The following NCK1 variants were observed in gnomAD, a reference collection of about 807,000 sequenced individuals.
NCK1 encodes NCK adaptor protein 1.
Under a neutral mutation model 36.6 loss-of-function variants are expected in NCK1, and 19 were observed. The observed-to-expected ratio is 0.52, with a 90% confidence interval of 0.36 to 0.76. The LOEUF (loss-of-function observed/expected upper bound fraction) is 0.76, where lower values mean the gene tolerates loss of function less well. Ranked by LOEUF, NCK1 falls within the 30% of genes least tolerant of loss-of-function variation. The pLI is 0.00. For missense variants in NCK1, 358 were observed against 445.6 expected (o/e 0.80, Z 1.77); for synonymous variants, 165 against 156.0 (o/e 1.06, Z -0.43).
At chr3:136,864,636 A>G (rs1185543133) in intron 1 of NCK1, among the ~76,000 whole-genome samples, 1 of 152,236 alleles carries the variant, frequency 6.6e-6, no homozygotes, top group Non-Finnish European at 1.5e-5. Context: ...GGAGTTTGAG[A>G]TCAGCCTAAG....
In NCK1 at chr3:136,946,130, T is replaced by G. The variant is rs1370151823; in HGVS notation, c.774T>G (p.Gly258=). The part of the protein sequence containing the change: ...TVMQNNPLTS[G]LEPSPPQCDY... ...TGCAGAATAATCCATTAACTTCAGG[T>G]TTGGAACCATCACCTCCACAGTGTG... The change falls in exon 3 of 4, where the codon GGT becomes GGG. Residue 258 remains glycine (G), a synonymous_variant. Transcript: ENST00000481752. The G allele has an allele frequency of 6.2e-7, 1 of 1,613,646 alleles. No homozygotes were observed. Among genetic ancestry groups the G allele is most frequent in the African/African-American group, 1.3e-5 (1 of 74,774 alleles).
chr3:136,938,116 G>A (rs531326879), intron 2 of NCK1, among the ~76,000 whole-genome samples: 11 of 152,108 alleles, frequency 7.2e-5, no homozygotes, highest in African/African-American at 2.7e-4. Context: ...ATCATGAAAC[G>A]GTTTTGGATT....
rs1405986071 is a variant in NCK1 at position 136,950,948 on chromosome 3, T to C, written c.*2495T>C. On this transcript the variant is annotated 3_prime_UTR_variant, in exon 4 of 4. Coordinates refer to ENST00000481752, the MANE Select transcript of NCK1 (RefSeq NM_001291999.2). ...TGCCATTGTGTCCCTTATTTAGTCATAAAACCTTAGGATTCAGCTGAATAT... is the reference window on the plus strand; with the variant it reads ...TGCCATTGTGTCCCTTATTTAGTCACAAAACCTTAGGATTCAGCTGAATAT... Among the ~76,000 whole-genome samples, 1 of 152,180 alleles carries C rather than the reference T, an allele frequency of 6.6e-6. No homozygotes were observed. Among genetic ancestry groups the C allele is most frequent in the African/African-American group, 2.4e-5 (1 of 41,454 alleles).
At chr3:136,864,606 G>A (rs1240166119) in intron 1 of NCK1, among the ~76,000 whole-genome samples, 1 of 152,144 alleles carries the variant, frequency 6.6e-6, no homozygotes, top group African/African-American at 2.4e-5. Context: ...AGGCCAAGGC[G>A]GGAGGATAGC....
At chr3:136,869,208 C>G (rs992758155) in intron 1 of NCK1, among the ~76,000 whole-genome samples, 2 of 151,784 alleles carry the variant, frequency 1.3e-5, no homozygotes, top group Non-Finnish European at 2.9e-5. Flanking sequence ...CCATTCCACT[C>G]CGGCCTGGGT....
In NCK1 at chr3:136,904,906, A is replaced by G. The variant is rs79929954; in HGVS notation, c.-18-23078A>G. 9.4e-3 allele frequency among the ~76,000 whole-genome samples: 1,415 copies of G among 149,856 alleles called. 6 individuals carry two copies. Among genetic ancestry groups the G allele is most frequent in the Non-Finnish European group, 0.016 (1,089 of 67,570 alleles). On this transcript the variant is annotated intron_variant, in intron 1 of 3. Coordinates refer to ENST00000481752, the MANE Select transcript of NCK1 (RefSeq NM_001291999.2). ...AAGGGCCTTTCTTAATGTTCTGAGA[A>G]TCTTTTATCTGCTTAATCTAGTCTG... is the stretch of plus-strand genomic sequence containing the variant.
In NCK1 at chr3:136,887,585, G is replaced by A. The variant is rs1939106832; in HGVS notation, c.-19+25232G>A. 2.0e-5 allele frequency among the ~76,000 whole-genome samples: 3 copies of A among 152,298 alleles called. No individual in the cohort carries two copies. The South Asian group carries it at 6.2e-4, about 32-fold the overall frequency. ...TTGCCTTGCCAGTTACATATAATTGGTGACTTTTAAGTTATTTGTCACCTG... is the reference window on the plus strand; with the variant it reads ...TTGCCTTGCCAGTTACATATAATTGATGACTTTTAAGTTATTTGTCACCTG... On this transcript the variant is annotated intron_variant, in intron 1 of 3. Transcript: ENST00000481752.
chr3:136,922,175 A>G (rs1308041008), intron 1 of NCK1, among the ~76,000 whole-genome samples: 3 of 152,180 alleles, frequency 2.0e-5, no homozygotes, highest in Admixed American at 2.0e-4. Context: ...CAAACTTATT[A>G]TTTATGACAG....
chr3:136,885,663 T>G (rs995818095), intron 1 of NCK1, among the ~76,000 whole-genome samples: 3 of 152,232 alleles, frequency 2.0e-5, no homozygotes, highest in African/African-American at 7.2e-5. Flanking sequence ...TAATACTGAT[T>G]GTATCAGTTT....
intron 1 of NCK1, among the ~76,000 whole-genome samples, chr3:136,864,495 CAAA>C (rs1171829431): frequency 3.4e-5 from 5 of 147,436 alleles, no homozygotes; most frequent in Non-Finnish European, 7.5e-5. Flanking sequence ...CACACACACA[CAAA>C]AAAAAAACAG....
Position 136,867,109 on chromosome 3 carries a change from TTTC to T in NCK1, c.-19+4759_-19+4761del, listed in dbSNP as rs1358008681. Among the ~76,000 whole-genome samples, 48 of 33,314 alleles carry T rather than the reference TTTC, an allele frequency of 1.4e-3. 7 individuals are homozygous for T. The highest frequency in any genetic ancestry group is 5.0e-3 in the African/African-American group (45 of 9,070). 21.9% of individuals were successfully genotyped at this position (33,314 alleles called of 152,430 possible). The stretch of plus-strand genomic sequence containing the variant: ...CTTTCTTTCTTTCTTTCTTTCTTTC[TTTC>T]TTTCTTTGTTTCTTTCTTTCCTTCC... On this transcript the variant is annotated intron_variant, in intron 1 of 3. Transcript: ENST00000481752.
intron 1 of NCK1, among the ~76,000 whole-genome samples, chr3:136,892,401 ACTGATGTC>A (rs568346504): frequency 5.4e-4 from 83 of 152,316 alleles, no homozygotes; most frequent in African/African-American, 1.8e-3. Flanking sequence ...TGCCTGTGCT[ACTGATGTC>A]CTGGATTATC....
chr3:136,862,549 T>C (rs1196136853), intron 1 of NCK1, among the ~76,000 whole-genome samples, 196 bp downstream of exon 1: 3 of 152,220 alleles, frequency 2.0e-5, no homozygotes, highest in Non-Finnish European at 4.4e-5. Flanking sequence ...GCACCGGGAT[T>C]CCGCGAGACC....
intron 1 of NCK1, among the ~76,000 whole-genome samples, chr3:136,879,090 C>T (rs1186234983): frequency 1.3e-5 from 2 of 149,668 alleles, no homozygotes; most frequent in Admixed American, 6.8e-5. Context: ...TAAGAAACCT[C>T]TTAAAAGAAA....
At chr3:136,889,840 A>G in intron 1 of NCK1, among the ~76,000 whole-genome samples, 1 of 152,154 alleles carries the variant, frequency 6.6e-6, no homozygotes, top group Non-Finnish European at 1.5e-5. Context: ...ACAAACCTTG[A>G]GCTAGAGACA....
chr3:136,916,122 C>T (rs1054854458), intron 1 of NCK1, among the ~76,000 whole-genome samples: 7 of 152,078 alleles, frequency 4.6e-5, no homozygotes, highest in African/African-American at 4.8e-5. Flanking sequence ...CCCCATGATC[C>T]AGTCACCTCG....
intron 1 of NCK1, among the ~76,000 whole-genome samples, chr3:136,876,343 C>CA (rs1470943247): frequency 1.3e-5 from 2 of 152,096 alleles, no homozygotes; most frequent in East Asian, 1.9e-4. Context: ...AAAAACCCTT[C>CA]AAAAAATCAA....
intron 2 of NCK1, among the ~76,000 whole-genome samples, chr3:136,942,028 CG>C (rs1421075146): frequency 6.6e-6 from 1 of 152,076 alleles, no homozygotes; most frequent in Non-Finnish European, 1.5e-5. Flanking sequence ...TTAGTAGAGA[CG>C]GGGTTTCACC....
intron 1 of NCK1, among the ~76,000 whole-genome samples, chr3:136,907,859 T>C (rs192391378): frequency 6.6e-6 from 1 of 152,230 alleles, no homozygotes; most frequent in African/African-American, 2.4e-5. Context: ...TCCTCAGTGC[T>C]ACAGGTATTA....
Sources: allele counts gnomAD v4.1 joint callset (sites outside exome capture counted in the v4.1 genomes callset), GRCh38; gene constraint gnomAD v4.1.1; transcripts MANE v1.5; gene names NCBI Gene and HGNC (gene_info 2026-07-23, HGNC 2026-07-21).